ANKRD30A: variants seen among roughly 807,000 people sequenced by gnomAD.
ANKRD30A encodes the protein ankyrin repeat domain-containing protein 30A.
A neutral mutation model predicts 166.3 loss-of-function variants in ANKRD30A; 170 were observed. That is an observed-to-expected ratio of 1.02 (90% CI 0.90 to 1.16). The LOEUF (loss-of-function observed/expected upper bound fraction) is 1.16. Among genes scored for constraint, ANKRD30A ranks in the 50% most tolerant of loss-of-function variants. ANKRD30A has a pLI of 0.00. For missense variants in ANKRD30A, 1,630 were observed against 1,518.0 expected (o/e 1.07, Z -1.23); for synonymous variants, 564 against 508.9 (o/e 1.11, Z -1.46).
chr10:37,225,635 T>G (rs1843112022), intron 34 of ANKRD30A, among the ~76,000 whole-genome samples: 1 of 151,952 alleles, frequency 6.6e-6, no homozygotes, highest in African/African-American at 2.4e-5. Context: ...AAAATTTTTT[T>G]GGGCTTGATT....
At chr10:37,191,440 G>A (rs1429264410) in intron 25 of ANKRD30A, among the ~76,000 whole-genome samples, 1 of 151,906 alleles carries the variant, frequency 6.6e-6, no homozygotes, top group Non-Finnish European at 1.5e-5. Context: ...ATGAATGTTT[G>A]TAATGCAATG....
intron 9 of ANKRD30A, among the ~76,000 whole-genome samples, chr10:37,148,844 G>A (rs1837702373): frequency 6.6e-6 from 1 of 152,074 alleles, no homozygotes; most frequent in Middle Eastern, 3.4e-3. Context: ...ATTTATTATA[G>A]ACTAATGATA....
rs568301150 is a variant in ANKRD30A at position 37,129,989 on chromosome 10, C to T, written c.318C>T (p.His106=). Residue 106 remains histidine, a synonymous_variant, in exon 2 of 36, where the codon CAC becomes CAT. Coordinates refer to ENST00000361713, the MANE Select transcript of ANKRD30A (RefSeq NM_052997.3). ...AGCTTGACGTCCTTGATGGCGAACA[C>T]AGGACACCTCTGATGAAGGTAAATA... is the stretch of plus-strand genomic sequence containing the variant. ...KCQLDVLDGE[H]RTPLMKALQC... is the part of the protein sequence containing the mutation. 4 of 1,563,998 alleles carry T rather than the reference C, an allele frequency of 2.6e-6. No individual in the cohort carries two copies. The highest frequency in any genetic ancestry group is 2.7e-5 in the African/African-American group (2 of 73,086).
rs776996853 is a variant in ANKRD30A, at chr10:37,162,828, A to C, written c.1982A>C (p.Asn661Thr). ...SVPNKALELK[N>T]EQTLRADEIL... ...CCAAATAAAGCCTTGGAATTGAAAA[A>C]TGAACAAACATTGAGAGCAGGTAAA... The change falls in exon 17 of 36, where the codon AAT (asparagine) becomes ACT (threonine). Residue 661 changes from asparagine (N) to threonine (T), a missense_variant. Asn to Thr is a moderately conservative substitution (Grantham distance 65, BLOSUM62 0). This residue lies in a region of ANKRD30A where 904 missense variants were observed against 818.5 expected (regional missense o/e 1.10). Transcript: ENST00000361713. 66 of 1,613,566 alleles carry C rather than the reference A, an allele frequency of 4.1e-5. No individual in the cohort carries two copies. Among genetic ancestry groups the C allele is most frequent in the Non-Finnish European group, 5.0e-5 (59 of 1,179,784 alleles).
chr10:37,131,617 A>G (rs1050128779), intron 3 of ANKRD30A, among the ~76,000 whole-genome samples: 1 of 152,178 alleles, frequency 6.6e-6, no homozygotes, highest in African/African-American at 2.4e-5. Flanking sequence ...GCGAGTTTGT[A>G]TCACCCAGAG....
intron 21 of ANKRD30A, among the ~76,000 whole-genome samples, chr10:37,172,574 G>C (rs1203517197): frequency 7.7e-6 from 1 of 130,606 alleles, no homozygotes; most frequent in Non-Finnish European, 1.6e-5. Context: ...TTTAGTAGAA[G>C]CATTCAAGTC....
chr10:37,158,811 T>C (rs1437176975), intron 15 of ANKRD30A, among the ~76,000 whole-genome samples: 1 of 152,188 alleles, frequency 6.6e-6, no homozygotes, highest in African/African-American at 2.4e-5. Context: ...GGTTCTACTT[T>C]AATATCCTGA....
intron 32 of ANKRD30A, among the ~76,000 whole-genome samples, chr10:37,217,452 A>G (rs1842661068): frequency 6.6e-6 from 1 of 150,928 alleles, no homozygotes; most frequent in Non-Finnish European, 1.5e-5. Flanking sequence ...TTTCTATAAC[A>G]GTCGTTGCAG....
At chr10:37,258,496 C>A in the ANKRD30A span, among the ~76,000 whole-genome samples, 1 of 151,954 alleles carries the variant, frequency 6.6e-6, no homozygotes, top group Non-Finnish European at 1.5e-5. Flanking sequence ...AAAGGTGAAA[C>A]TGCAGTGTAG....
intron 15 of ANKRD30A, among the ~76,000 whole-genome samples, chr10:37,162,086 G>T (rs1588837697): frequency 6.6e-6 from 1 of 152,026 alleles, no homozygotes; most frequent in African/African-American, 2.4e-5. Flanking sequence ...GAAGCATTCA[G>T]ACAGCTAAAG....
chr10:37,126,052 GC>G, intron 1 of ANKRD30A, 44 bp downstream of exon 1: 1 of 1,599,692 alleles, frequency 6.3e-7, no homozygotes, highest in Non-Finnish European at 8.6e-7. Context: ...GGAGGTGGGG[GC>G]GGTGGGAGGA....
chr10:37,171,383 A>C (rs1803184799), intron 21 of ANKRD30A, among the ~76,000 whole-genome samples: 1 of 148,108 alleles, frequency 6.8e-6, no homozygotes, highest in Non-Finnish European at 1.5e-5. Flanking sequence ...AAAATATTTA[A>C]AATACACGAA....
rs770071345 is a variant in ANKRD30A at position 37,133,932 on chromosome 10, G to T, written c.634G>T (p.Ala212Ser). ...TTATTTTAGCACAGCCCTCATGCTT[G>T]CTGTATGTCATGGATCATCAGAGAT... Reference protein sequence around the residue: ...NKYKCTALMLAVCHGSSEIVG... With the variant: ...NKYKCTALMLSVCHGSSEIVG... The change falls in exon 5 of 36, where the codon GCT (alanine) becomes TCT (serine). Residue 212 changes from alanine (A) to serine (S), a missense_variant. This residue lies in a region of ANKRD30A where 904 missense variants were observed against 818.5 expected (regional missense o/e 1.10). Transcript: ENST00000361713. 144 of 1,613,866 alleles carry T rather than the reference G, an allele frequency of 8.9e-5. No homozygotes were observed. The highest frequency in any genetic ancestry group is 1.1e-4 in the Non-Finnish European group (131 of 1,179,940).
At chr10:37,246,263 T>A in the ANKRD30A span, among the ~76,000 whole-genome samples, 66 of 152,348 alleles carry the variant, frequency 4.3e-4, no homozygotes, top group South Asian at 0.013. Flanking sequence ...TCTATTGAGA[T>A]GATCATTTAA....
chr10:37,212,290 T>C (rs1359358445), intron 31 of ANKRD30A, among the ~76,000 whole-genome samples: 1 of 151,794 alleles, frequency 6.6e-6, no homozygotes, highest in African/African-American at 2.4e-5. Flanking sequence ...GAGAGTAAAA[T>C]ACCTAGGAAT....
At position 37,197,477 on chromosome 10, in the gene ANKRD30A, G is replaced by A. The variant is rs373533252; in HGVS notation, c.2713G>A (p.Ala905Thr). ...ATTGAAGAATGAACAAACATTGAGA[G>A]CAGGTACATTTTTCAATGTAACTAT... The part of the protein sequence containing the change: ...LELKNEQTLR[A>T]DQMFPSESKQ... Residue 905 changes from alanine (A) to threonine (T), a missense_variant, in exon 29 of 36, where the codon GCA (alanine) becomes ACA (threonine). Around this residue, in one of 4 missense-constraint regions of ANKRD30A, gnomAD observed 712 missense variants for 629.3 expected, o/e 1.13. Coordinates refer to ENST00000361713, the MANE Select transcript of ANKRD30A (RefSeq NM_052997.3). 1.8e-5 allele frequency: 29 copies of A among 1,612,088 alleles called. No individual in the cohort carries two copies. The highest frequency in any genetic ancestry group is 5.3e-5 in the African/African-American group (4 of 74,810).
At chr10:37,165,731 T>C (rs1011094406) in intron 18 of ANKRD30A, among the ~76,000 whole-genome samples, 1 of 152,154 alleles carries the variant, frequency 6.6e-6, no homozygotes, top group Non-Finnish European at 1.5e-5. Flanking sequence ...TTGAAAAATA[T>C]AAATTATATT....
At chr10:37,159,426 G>C (rs1678925511) in intron 15 of ANKRD30A, among the ~76,000 whole-genome samples, 1 of 152,148 alleles carries the variant, frequency 6.6e-6, no homozygotes, top group Non-Finnish European at 1.5e-5. Context: ...GCTGAGGTGG[G>C]AGAATCGCTT....
chr10:37,159,716 T>C (rs1838696258), intron 15 of ANKRD30A, among the ~76,000 whole-genome samples: 1 of 152,074 alleles, frequency 6.6e-6, no homozygotes, highest in Non-Finnish European at 1.5e-5. Flanking sequence ...TTTTGTTTTG[T>C]TTTTGTTTTT....
Sources: allele counts gnomAD v4.1 joint callset (sites outside exome capture counted in the v4.1 genomes callset), GRCh38; gene constraint gnomAD v4.1.1; regional missense constraint gnomAD v4.1.1; transcripts MANE v1.5; gene names NCBI Gene and HGNC (gene_info 2026-07-23, HGNC 2026-07-21).